The following PRLR variants were observed in gnomAD, a reference collection of about 807,000 sequenced individuals.
PRLR encodes prolactin receptor.
Under a neutral mutation model 40.2 loss-of-function variants are expected in PRLR, and 13 were observed. The observed-to-expected ratio is 0.32, with a 90% CI of 0.21 to 0.51. PRLR has a LOEUF of 0.51. Ranked by LOEUF, PRLR falls within the 20% of genes least tolerant of loss-of-function variation. PRLR has a pLI of 0.97. For synonymous variants in PRLR, 269 were observed against 278.7 expected, an observed-to-expected ratio of 0.97 and a Z score of 0.35; for missense variants, 656 against 747.3, an observed-to-expected ratio of 0.88 and a Z score of 1.42.
intron 1 of PRLR, among the ~76,000 whole-genome samples, chr5:35,166,686 T>C (rs1774843407): frequency 6.6e-6 from 1 of 152,114 alleles, no homozygotes; most frequent in East Asian, 1.9e-4. Context: ...AAAATGAGGG[T>C]AGACTTATTC....
chr5:35,153,558 C>A (rs1249618966), intron 1 of PRLR, among the ~76,000 whole-genome samples: 1 of 152,158 alleles, frequency 6.6e-6, no homozygotes, highest in African/African-American at 2.4e-5. Flanking sequence ...TATTATATAA[C>A]AAGCAAATAG....
At chr5:35,201,708 T>TATCTTCTCCTCTC (rs1397335015) in intron 1 of PRLR, among the ~76,000 whole-genome samples, 134 of 152,246 alleles carry the variant, frequency 8.8e-4, no homozygotes, top group Non-Finnish European at 1.3e-3. Context: ...TCTCTTCTCT[T>TATCTTCTCCTCTC]CTCTTCTCCT....
Position 35,098,769 on chromosome 5 carries a change from G to A in PRLR, c.-43-9106C>T, listed in dbSNP as rs62355482. Among the ~76,000 whole-genome samples the A allele has an allele frequency of 4.6e-5, 7 of 152,258 alleles. No individual in the cohort carries two copies. The South Asian group carries it at 6.2e-4, about 14-fold the overall frequency. On this transcript the variant is annotated intron_variant, in intron 2 of 9. Coordinates refer to ENST00000618457, the MANE Select transcript of PRLR (RefSeq NM_000949.7). ...TACTGGCACTGCTTATTTGTCTCAG[G>A]GGGAAGGGAACATCAGGGGAATCAT...
At chr5:35,200,645 A>T (rs952138744) in intron 1 of PRLR, among the ~76,000 whole-genome samples, 1 of 152,138 alleles carries the variant, frequency 6.6e-6, no homozygotes, top group Admixed American at 6.5e-5. Context: ...GTTTCTGGGT[A>T]TTGGTATGAG....
chr5:35,051,030 G>A (rs981915900), downstream of PRLR, among the ~76,000 whole-genome samples: 3 of 152,162 alleles, frequency 2.0e-5, no homozygotes, highest in African/African-American at 7.2e-5. Context: ...GAATTTCATG[G>A]AAAACTGATT....
At chr5:35,164,040 GT>G (rs1774750784) in intron 1 of PRLR, among the ~76,000 whole-genome samples, 1 of 152,208 alleles carries the variant, frequency 6.6e-6, no homozygotes, top group Non-Finnish European at 1.5e-5. Context: ...TGAAGCTGAG[GT>G]TTGAGATAGA....
At chr5:35,121,022 G>T (rs2111729972) in intron 1 of PRLR, among the ~76,000 whole-genome samples, 2 of 152,276 alleles carry the variant, frequency 1.3e-5, no homozygotes, top group East Asian at 3.9e-4. Flanking sequence ...GCATTACTTT[G>T]CTGACCTCTG....
chr5:35,185,104 C>A (rs1450921856), intron 1 of PRLR, among the ~76,000 whole-genome samples: 3 of 152,216 alleles, frequency 2.0e-5, no homozygotes, highest in Non-Finnish European at 4.4e-5. Flanking sequence ...GGCAGGAAGC[C>A]CACAGACCAG....
chr5:35,118,681 C>G (rs1773158410), intron 1 of PRLR, among the ~76,000 whole-genome samples: 1 of 151,932 alleles, frequency 6.6e-6, no homozygotes, highest in Non-Finnish European at 1.5e-5. Context: ...CAAATTCTGA[C>G]ATAGTTATAG....
At chr5:35,182,312 T>A (rs531693631) in intron 1 of PRLR, among the ~76,000 whole-genome samples, 1 of 152,204 alleles carries the variant, frequency 6.6e-6, no homozygotes, top group Non-Finnish European at 1.5e-5. Context: ...CAAAAATATT[T>A]TCCCCTCTGT....
At position 35,068,245 on chromosome 5, in the gene PRLR, T is replaced by G; in HGVS notation, c.826A>C (p.Ile276Leu). 1 of 1,613,216 alleles carries G rather than the reference T, an allele frequency of 6.2e-7. No individual in the cohort carries two copies. Among genetic ancestry groups the G allele is most frequent in the Non-Finnish European group, 8.5e-7 (1 of 1,179,194 alleles). ...AACAGATGAGCATCAAATCCTTTTATTTTTGGCCCAGGAACTGGCGGAAAG... is the reference window on the plus strand; with the variant it reads ...AACAGATGAGCATCAAATCCTTTTAGTTTTGGCCCAGGAACTGGCGGAAAG... ...CIFPPVPGPK[I>L]KGFDAHLLEK... The change falls in exon 9 of 10, where the codon ATA becomes CTA. Residue 276 changes from isoleucine to leucine, a missense_variant. By Grantham distance (5) the Ile-to-Leu change is conservative (BLOSUM62 2). Transcript: ENST00000618457.
At chr5:35,078,059 G>A (rs1363601818) in intron 5 of PRLR, among the ~76,000 whole-genome samples, 1 of 152,192 alleles carries the variant, frequency 6.6e-6, no homozygotes, top group Non-Finnish European at 1.5e-5. Flanking sequence ...AAAGCAGTGT[G>A]TAGAGGGAAA....
chr5:35,206,307 C>A (rs377571361), intron 1 of PRLR, among the ~76,000 whole-genome samples: 1 of 151,434 alleles, frequency 6.6e-6, no homozygotes, highest in Admixed American at 6.6e-5. Context: ...TAAAAGGTGG[C>A]GAATCTTAAG....
chr5:35,179,787 G>T (rs1242843788), intron 1 of PRLR, among the ~76,000 whole-genome samples: 3 of 152,128 alleles, frequency 2.0e-5, no homozygotes, highest in African/African-American at 7.2e-5. Flanking sequence ...CTTATGAGTG[G>T]TTTAGCACAA....
intron 1 of PRLR, among the ~76,000 whole-genome samples, chr5:35,229,732 C>A (rs1776647062): frequency 6.6e-6 from 1 of 152,180 alleles, no homozygotes; most frequent in South Asian, 2.1e-4. Flanking sequence ...GCATTGCTAA[C>A]CCTAAACTTT....
rs927789126 is a variant in PRLR at position 35,065,301 on chromosome 5, T to C, written c.1657A>G (p.Met553Val). 4 of 1,614,204 alleles carry C rather than the reference T, an allele frequency of 2.5e-6. No individual in the cohort carries two copies. The highest frequency in any genetic ancestry group is 1.1e-5 in the South Asian group (1 of 91,084). The change falls in exon 10 of 10, where the codon ATG becomes GTG. Residue 553 changes from methionine (M) to valine (V), a missense_variant. Transcript: ENST00000618457. ...ACCAACACCAGGATGTTGTTATCCA[T>C]GACCCCGGACACCTTGGCATACTCC... ...NKEYAKVSGV[M>V]DNNILVLVPD...
At chr5:35,142,865 C>T (rs1774063660) in intron 1 of PRLR, among the ~76,000 whole-genome samples, 1 of 152,210 alleles carries the variant, frequency 6.6e-6, no homozygotes, top group African/African-American at 2.4e-5. Context: ...GTGTGAGTTA[C>T]TTAACCTCTG....
chr5:35,089,356 T>A (rs913517073), intron 3 of PRLR, among the ~76,000 whole-genome samples, 195 bp downstream of exon 3: 2 of 152,218 alleles, frequency 1.3e-5, no homozygotes, highest in African/African-American at 2.4e-5. Context: ...GAGAGCACAG[T>A]GACAAGATTT....
intron 1 of PRLR, among the ~76,000 whole-genome samples, chr5:35,149,951 T>C (rs779642292): frequency 6.6e-6 from 1 of 152,120 alleles, no homozygotes; most frequent in Non-Finnish European, 1.5e-5. Flanking sequence ...CTCTGCCTCC[T>C]GGGCTCAAGC....
Sources: gnomAD v4.1 joint callset for allele counts (sites outside exome capture counted in the v4.1 genomes callset) on GRCh38, gnomAD v4.1.1 for gene constraint, MANE v1.5 for transcripts, NCBI Gene and HGNC (gene_info 2026-07-23, HGNC 2026-07-21) for gene names.